CAP2: variants seen among roughly 807,000 people sequenced by gnomAD.
CAP2 encodes the protein cyclase associated actin cytoskeleton regulatory protein 2.
Under a neutral mutation model 57.7 loss-of-function variants are expected in CAP2, and 24 were observed. That is an observed-to-expected ratio of 0.42 (90% confidence interval 0.30 to 0.58). CAP2 has a LOEUF of 0.58. CAP2 is among the 20% of genes least tolerant of loss of function. The pLI, the probability that CAP2 is intolerant of heterozygous loss-of-function variation, is 0.22. For missense variants in CAP2, 501 were observed against 590.3 expected (o/e 0.85, Z 1.57); for synonymous variants, 194 against 207.2 (o/e 0.94, Z 0.55).
intron 3 of CAP2, among the ~76,000 whole-genome samples, chr6:17,459,510 A>C (rs1038125449): frequency 1.3e-5 from 2 of 152,236 alleles, no homozygotes; most frequent in Non-Finnish European, 2.9e-5. Flanking sequence ...TAGCATGCAA[A>C]GTAGAAAGAC....
At chr6:17,532,990 G>A (rs1284201032) in intron 7 of CAP2, among the ~76,000 whole-genome samples, 2 of 146,722 alleles carry the variant, frequency 1.4e-5, no homozygotes, top group East Asian at 4.1e-4. Flanking sequence ...ACTTGAACCC[G>A]GGAGGTGAAG....
chr6:17,412,012 C>T (rs192564964), intron 1 of CAP2, among the ~76,000 whole-genome samples: 2 of 152,272 alleles, frequency 1.3e-5, no homozygotes, highest in Admixed American at 6.5e-5. Context: ...GCTTCCACTC[C>T]ATGACAGGGG....
intron 1 of CAP2, among the ~76,000 whole-genome samples, chr6:17,396,226 C>T (rs1758660853): frequency 6.6e-6 from 1 of 152,180 alleles, no homozygotes; most frequent in Non-Finnish European, 1.5e-5. Flanking sequence ...GGTGCCCTCA[C>T]TTTGGAAAAG....
chr6:17,411,285 AT>A (rs1392394008), intron 1 of CAP2, among the ~76,000 whole-genome samples: 3 of 152,204 alleles, frequency 2.0e-5, no homozygotes, highest in Non-Finnish European at 2.9e-5. Context: ...GTGTGAACAT[AT>A]ATTTTTATTT....
At chr6:17,499,065 A>T (rs781508314) in intron 4 of CAP2, among the ~76,000 whole-genome samples, 1 of 152,096 alleles carries the variant, frequency 6.6e-6, no homozygotes, top group Non-Finnish European at 1.5e-5. Context: ...ACTGAAAAAA[A>T]AAATGTGCCA....
intron 4 of CAP2, among the ~76,000 whole-genome samples, chr6:17,496,365 C>A (rs1259440622): frequency 1.3e-5 from 2 of 152,064 alleles, no homozygotes; most frequent in Non-Finnish European, 2.9e-5. Context: ...TGTGGGCCAC[C>A]AAAAGAGGGG....
chr6:17,457,417 A>C (rs967192912), intron 3 of CAP2, among the ~76,000 whole-genome samples: 3 of 152,228 alleles, frequency 2.0e-5, no homozygotes, highest in African/African-American at 4.8e-5. Flanking sequence ...TTGCTCCTAA[A>C]TAGGATGCTG....
chr6:17,501,287 T>C (rs1761815354), intron 4 of CAP2, among the ~76,000 whole-genome samples: 1 of 152,178 alleles, frequency 6.6e-6, no homozygotes, highest in Non-Finnish European at 1.5e-5. Context: ...CACTTGATCT[T>C]AGCCAAAAGG....
intron 2 of CAP2, among the ~76,000 whole-genome samples, 166 bp from the exon 3 acceptor site, chr6:17,426,424 C>G (rs1001626894): frequency 6.6e-6 from 1 of 151,796 alleles, no homozygotes; most frequent in Non-Finnish European, 1.5e-5. Context: ...TTAGTAGAGA[C>G]GGGTTTCACC....
intron 3 of CAP2, among the ~76,000 whole-genome samples, chr6:17,435,649 T>A (rs1759852785): frequency 1.1e-5 from 1 of 91,054 alleles, no homozygotes; most frequent in Non-Finnish European, 1.9e-5. Flanking sequence ...ACCTGCACAA[T>A]GTGCACATGT....
intron 3 of CAP2, among the ~76,000 whole-genome samples, chr6:17,454,292 C>T (rs1195706124): frequency 2.0e-5 from 3 of 151,720 alleles, no homozygotes; most frequent in South Asian, 2.1e-4. Flanking sequence ...GAGTCGTGGC[C>T]GTGACGCTAG....
intron 4 of CAP2, among the ~76,000 whole-genome samples, chr6:17,492,190 A>G (rs545474298): frequency 1.4e-4 from 22 of 152,316 alleles, no homozygotes; most frequent in Admixed American, 1.4e-3. Context: ...AACCATGGGA[A>G]ATGGTTGTCT....
At chr6:17,410,692 G>C (rs1227980217) in intron 1 of CAP2, among the ~76,000 whole-genome samples, 2 of 151,976 alleles carry the variant, frequency 1.3e-5, no homozygotes, top group Admixed American at 6.6e-5. Context: ...CGAGTAGCTG[G>C]GACTACAGGT....
chr6:17,472,415 C>T (rs979338653), intron 4 of CAP2, among the ~76,000 whole-genome samples: 1 of 152,128 alleles, frequency 6.6e-6, no homozygotes, highest in South Asian at 2.1e-4. Flanking sequence ...GCAATATATG[C>T]TTTTAATTTC....
chr6:17,427,206 C>T (rs933551640), intron 3 of CAP2, among the ~76,000 whole-genome samples: 4 of 152,000 alleles, frequency 2.6e-5, no homozygotes, highest in African/African-American at 9.7e-5. Flanking sequence ...TCAGAGCAAG[C>T]TTGGTGTGTT....
At chr6:17,457,068 G>A (rs748440004) in intron 3 of CAP2, among the ~76,000 whole-genome samples, 2 of 152,114 alleles carry the variant, frequency 1.3e-5, no homozygotes, top group African/African-American at 2.4e-5. Context: ...AAGACCACAC[G>A]GCAATAGATG....
intron 3 of CAP2, among the ~76,000 whole-genome samples, chr6:17,460,439 T>C (rs1457237228): frequency 6.6e-6 from 1 of 152,216 alleles, no homozygotes; most frequent in Non-Finnish European, 1.5e-5. Flanking sequence ...ATACTACAGA[T>C]TGAATATTAT....
intron 3 of CAP2, among the ~76,000 whole-genome samples, chr6:17,436,326 T>C (rs1759887590): frequency 6.6e-6 from 1 of 152,098 alleles, no homozygotes; most frequent in Admixed American, 6.6e-5. Flanking sequence ...AGAGACAAGG[T>C]TTTACCATGT....
chr6:17,491,636 A>G (rs141544400), intron 4 of CAP2, among the ~76,000 whole-genome samples: 1,581 of 152,256 alleles, frequency 0.01, 32 homozygotes, highest in African/African-American at 0.035. Flanking sequence ...TCCGAAGCCA[A>G]TGCTTTTTTT....
Sources: gnomAD v4.1 joint callset for allele counts (sites outside exome capture counted in the v4.1 genomes callset) on GRCh38, gnomAD v4.1.1 for gene constraint, MANE v1.5 for transcripts, NCBI Gene and HGNC (gene_info 2026-07-23, HGNC 2026-07-21) for gene names.